The following DNAH6 variants were observed in gnomAD, a reference collection of about 807,000 sequenced individuals.
The protein encoded by DNAH6 is axonemal beta dynein heavy chain 6.
A neutral mutation model predicts 491.4 loss-of-function variants in DNAH6; 340 were observed. That is an observed-to-expected ratio of 0.69 (90% CI 0.63 to 0.76). The LOEUF is 0.76. DNAH6 is among the 30% of genes least tolerant of loss of function. The probability of loss-of-function intolerance (pLI) is 0.00; values close to 1 mark genes in which losing one functional copy is unlikely to be tolerated. For missense variants in DNAH6, 4,443 were observed against 4,972.2 expected (o/e 0.89, Z 3.20); for synonymous variants, 1,603 against 1,686.1 (o/e 0.95, Z 1.21).
At chr2:84,715,180 C>T (rs561756550) in intron 57 of DNAH6, among the ~76,000 whole-genome samples, 31 of 152,100 alleles carry the variant, frequency 2.0e-4, no homozygotes, top group Non-Finnish European at 4.3e-4. Flanking sequence ...TTTTAAATAC[C>T]GGAAACTAAA....
intron 64 of DNAH6, chr2:84,778,330 A>G (rs942340281): frequency 2.5e-5 from 11 of 435,312 alleles, no homozygotes; most frequent in African/African-American, 2.2e-4. Flanking sequence ...GCCTGGCTTT[A>G]TTAATTCTTT....
chr2:84,627,435 G>T (rs1316300376), intron 29 of DNAH6, among the ~76,000 whole-genome samples: 1 of 152,102 alleles, frequency 6.6e-6, no homozygotes, highest in East Asian at 1.9e-4. Flanking sequence ...GGAATTATAG[G>T]TTTAAAATGA....
At chr2:84,797,200 A>G (rs1029067265) in intron 69 of DNAH6, among the ~76,000 whole-genome samples, 1 of 152,194 alleles carries the variant, frequency 6.6e-6, no homozygotes, top group African/African-American at 2.4e-5. Context: ...ACAAGCATAA[A>G]TTTAAGCCCT....
intron 23 of DNAH6, among the ~76,000 whole-genome samples, chr2:84,618,561 A>G (rs1197937824): frequency 1.3e-5 from 2 of 152,046 alleles, no homozygotes; most frequent in East Asian, 3.9e-4. Context: ...CCTCCAGAAC[A>G]TGAGAGAGTT....
intron 58 of DNAH6, among the ~76,000 whole-genome samples, chr2:84,717,837 C>T (rs1324662087): frequency 6.6e-6 from 1 of 152,166 alleles, no homozygotes; most frequent in African/African-American, 2.4e-5. Flanking sequence ...ATATTCAAGG[C>T]ATCATAAATA....
chr2:84,694,137 C>G, intron 45 of DNAH6, 112 bp from the exon 46 acceptor site: 3 of 877,332 alleles, frequency 3.4e-6, no homozygotes, highest in Non-Finnish European at 5.4e-6. Context: ...TTGCAGCATC[C>G]TGCCCAGGGA....
chr2:84,663,045 C>G (rs1691687227), intron 37 of DNAH6, among the ~76,000 whole-genome samples: 2 of 152,166 alleles, frequency 1.3e-5, no homozygotes, highest in Non-Finnish European at 2.9e-5. Flanking sequence ...AGAAGGAAAA[C>G]TAACAAACAG....
At chr2:84,778,753 C>T (rs1485386921) in intron 64 of DNAH6, among the ~76,000 whole-genome samples, 1 of 152,132 alleles carries the variant, frequency 6.6e-6, no homozygotes, top group Non-Finnish European at 1.5e-5. Context: ...ACCTCCGCCT[C>T]CCAAAGTGCT....
At chr2:84,529,375 C>T (rs1202953314) in intron 4 of DNAH6, among the ~76,000 whole-genome samples, 1 of 152,002 alleles carries the variant, frequency 6.6e-6, no homozygotes, top group Non-Finnish European at 1.5e-5. Context: ...CTTACCTGCA[C>T]TACTGAGCTT....
Position 84,610,425 on chromosome 2 carries a change from A to C in DNAH6, c.3295-1249A>C, listed in dbSNP as rs533000125. On this transcript the variant is annotated intron_variant, in intron 21 of 76. Coordinates refer to ENST00000389394, the MANE Select transcript of DNAH6 (RefSeq NM_001370.2). ...GGGAGAGGATTACACAGGGATGTGA[A>C]TGCCACATCTTGGGGGCCACCTTAT... Among the ~76,000 whole-genome samples, 21 of 152,310 alleles carry C rather than the reference A, an allele frequency of 1.4e-4. No homozygotes were observed. The East Asian group carries it at 3.7e-3, about 27-fold the overall frequency.
chr2:84,481,467 T>G, the DNAH6 span, among the ~76,000 whole-genome samples: 1 of 152,152 alleles, frequency 6.6e-6, no homozygotes, highest in African/African-American at 2.4e-5. Flanking sequence ...CTCACTAACA[T>G]GTGGAAAAGA....
chr2:84,519,786 C>T (rs920539809), intron 2 of DNAH6, among the ~76,000 whole-genome samples: 12 of 151,876 alleles, frequency 7.9e-5, no homozygotes, highest in Non-Finnish European at 1.5e-5. Context: ...TGCCATCTAA[C>T]ATTGATGACA....
rs867472657 is a variant in DNAH6 at position 84,547,516 on chromosome 2, C to T, written c.1090C>T (p.Arg364Ter). ...AEVTERLGEF[R>*]NEAKYVVRRA... ...GGTGACAGAACGCCTAGGAGAATTT[C>T]GAAATGAGGCAAAATATGTAGTCAG... Residue 364 changes from arginine to a stop codon, truncating the protein, a stop_gained, in exon 7 of 77, where the codon CGA becomes TGA. Transcript: ENST00000389394. LOFTEE classifies it high-confidence loss of function. 5.8e-6 allele frequency: 9 copies of T among 1,551,586 alleles called. No homozygotes were observed. The highest frequency in any genetic ancestry group is 1.7e-4 in the Middle Eastern group (1 of 5,990).
At position 84,705,995 on chromosome 2, in the gene DNAH6, C is replaced by A. The variant is rs147737653; in HGVS notation, c.8727+248C>A. On this transcript the variant is annotated intron_variant, in intron 52 of 76. Coordinates refer to ENST00000389394, the MANE Select transcript of DNAH6 (RefSeq NM_001370.2). ...TTCATCTGAAAAAAAAGGAATTAATCTCTTTCTTTAAGGTACTTTTTAGCT... is the reference window on the plus strand; with the variant it reads ...TTCATCTGAAAAAAAAGGAATTAATATCTTTCTTTAAGGTACTTTTTAGCT... 7.1e-3 allele frequency among the ~76,000 whole-genome samples: 1,088 copies of A among 152,266 alleles called. 5 individuals carry two copies. Among genetic ancestry groups the A allele is most frequent in the Middle Eastern group, 0.014 (4 of 294 alleles).
intron 10 of DNAH6, 141 bp downstream of exon 10, chr2:84,553,175 C>T: frequency 1.6e-6 from 1 of 629,342 alleles, no homozygotes; most frequent in South Asian, 2.0e-5. Context: ...ATTGTTTTGT[C>T]ACAGCATTAT....
intron 63 of DNAH6, among the ~76,000 whole-genome samples, chr2:84,755,852 G>A (rs1673957004): frequency 6.6e-6 from 1 of 152,168 alleles, no homozygotes; most frequent in African/African-American, 2.4e-5. Flanking sequence ...TGTTGTGGGA[G>A]GGACCCAGTG....
intron 12 of DNAH6, among the ~76,000 whole-genome samples, chr2:84,574,218 A>G (rs1682198455): frequency 6.6e-6 from 1 of 151,952 alleles, no homozygotes; most frequent in Non-Finnish European, 1.5e-5. Context: ...TTATTTTCTT[A>G]TATATAAATA....
chr2:84,760,047 C>T (rs912547128), intron 63 of DNAH6, among the ~76,000 whole-genome samples: 8 of 152,250 alleles, frequency 5.3e-5, no homozygotes, highest in Admixed American at 4.6e-4. Context: ...GCAAAGTCAA[C>T]AAGAACATAC....
At chr2:84,700,986 A>G in intron 48 of DNAH6, 111 bp from the exon 49 acceptor site, 1 of 1,246,880 alleles carries the variant, frequency 8.0e-7, no homozygotes, top group Non-Finnish European at 1.1e-6. Flanking sequence ...TAACTAGGTG[A>G]AGAGGGGACT....
Sources: gnomAD v4.1 joint callset for allele counts (sites outside exome capture counted in the v4.1 genomes callset) on GRCh38, gnomAD v4.1.1 for gene constraint, MANE v1.5 for transcripts, NCBI Gene and HGNC (gene_info 2026-07-23, HGNC 2026-07-21) for gene names.